MBP: variants seen among roughly 807,000 people sequenced by gnomAD.
MBP encodes myelin basic protein, also known as Golli-MBP.
In MBP, 16 loss-of-function variants were observed where a neutral mutation model predicts 35.8. The observed-to-expected ratio is 0.45, with a 90% confidence interval of 0.30 to 0.68. The LOEUF (loss-of-function observed/expected upper bound fraction) is 0.68. Ranked by LOEUF, MBP falls within the 30% of genes least tolerant of loss-of-function variation. The pLI is 0.08. For missense variants in MBP, 380 were observed against 404.7 expected (o/e 0.94, Z 0.52); for synonymous variants, 143 against 159.6 (o/e 0.90, Z 0.78).
intron 2 of MBP, among the ~76,000 whole-genome samples, chr18:77,070,918 CG>C (rs1974416823): frequency 6.6e-6 from 1 of 152,208 alleles, no homozygotes; most frequent in South Asian, 2.1e-4. Flanking sequence ...CTTGTTCCCG[CG>C]TAGCTGGAGT....
intron 1 of MBP, among the ~76,000 whole-genome samples, chr18:77,121,272 T>C (rs1976876566): frequency 6.6e-6 from 1 of 151,278 alleles, no homozygotes; most frequent in Non-Finnish European, 1.5e-5. Context: ...ATCACACCAC[T>C]GCACTCCAGA....
chr18:77,025,001 CAGG>C (rs1047371066), intron 3 of MBP, among the ~76,000 whole-genome samples: 1 of 152,186 alleles, frequency 6.6e-6, no homozygotes, highest in African/African-American at 2.4e-5. Context: ...GAGCAGATTG[CAGG>C]AGTTTTGGGA....
Position 77,028,913 on chromosome 18 carries a change from C to T in MBP, c.140-11645G>A, listed in dbSNP as rs1409515635. On this transcript the variant is annotated intron_variant, in intron 3 of 8. Transcript: ENST00000355994. ...AGATGGGATGGCGGCCGGGCAGAGA[C>T]TCTCCTCACTTTCCAGACTGGGCAG... Among the ~76,000 whole-genome samples, 16 of 107,758 alleles carry T rather than the reference C, an allele frequency of 1.5e-4. 2 individuals are homozygous for T. The East Asian group carries it at 3.8e-3, about 26-fold the overall frequency. The allele number at this position is 107,758 out of a possible 152,430, so 70.7% of individuals were successfully genotyped here.
intron 2 of MBP, among the ~76,000 whole-genome samples, chr18:77,081,153 C>G (rs964401368): frequency 2.0e-5 from 3 of 152,156 alleles, no homozygotes; most frequent in Admixed American, 1.3e-4. Flanking sequence ...AAACAAGTGC[C>G]TCCTGGGCGG....
intron 3 of MBP, among the ~76,000 whole-genome samples, chr18:77,054,179 C>T (rs568491293): frequency 1.3e-5 from 2 of 152,358 alleles, no homozygotes; most frequent in Admixed American, 6.5e-5. Flanking sequence ...GATGGAGAGC[C>T]GCCTGGCCCT....
chr18:77,105,638 G>T (rs1034245106), intron 1 of MBP, among the ~76,000 whole-genome samples: 1 of 152,170 alleles, frequency 6.6e-6, no homozygotes, highest in South Asian at 2.1e-4. Flanking sequence ...CACACACAGA[G>T]AATTATATCC....
chr18:76,985,364 C>A, intron 7 of MBP: 1 of 1,270,628 alleles, frequency 7.9e-7, no homozygotes, highest in Non-Finnish European at 1.0e-6. Context: ...TTGCTGGGGG[C>A]TCCTTTTGCT....
At chr18:76,992,208 G>A (rs991814713) in intron 4 of MBP, among the ~76,000 whole-genome samples, 1 of 152,196 alleles carries the variant, frequency 6.6e-6, no homozygotes, top group African/African-American at 2.4e-5. Context: ...TTTTTCCATG[G>A]ATGGGGGTGG....
intron 4 of MBP, chr18:77,016,266 A>C: frequency 1.0e-6 from 1 of 985,872 alleles, no homozygotes; most frequent in Non-Finnish European, 1.2e-6. Flanking sequence ...TGATTCATAG[A>C]CACTCATTTA....
intron 1 of MBP, chr18:77,114,157 G>A (rs1003894085): frequency 1.3e-5 from 2 of 152,192 alleles, no homozygotes; most frequent in Non-Finnish European, 2.9e-5. Flanking sequence ...ACCATCCTTC[G>A]TTTTCTTCTG....
intron 4 of MBP, among the ~76,000 whole-genome samples, chr18:76,996,600 T>C (rs1053368117): frequency 6.6e-6 from 1 of 152,172 alleles, no homozygotes. Context: ...GGAATCTTGC[T>C]GAGTAAAAGC....
intron 7 of MBP, chr18:76,987,392 T>C: frequency 1.0e-6 from 1 of 985,462 alleles, no homozygotes; most frequent in Non-Finnish European, 1.2e-6. Flanking sequence ...AAGTCAAATA[T>C]GCATTAATGG....
chr18:77,089,041 G>T (rs1048697178), intron 2 of MBP, among the ~76,000 whole-genome samples: 9 of 152,228 alleles, frequency 5.9e-5, no homozygotes, highest in Admixed American at 3.3e-4. Flanking sequence ...CACAGGCCTT[G>T]GTTCCCTGAC....
At position 77,101,969 on chromosome 18, in the gene MBP, A is replaced by T. The variant is rs1057346743; in HGVS notation, c.51+3242T>A. Among the ~76,000 whole-genome samples, 3 of 152,170 alleles carry T rather than the reference A, an allele frequency of 2.0e-5. No homozygotes were observed. Among genetic ancestry groups the T allele is most frequent in the African/African-American group, 7.2e-5 (3 of 41,430 alleles). The stretch of plus-strand genomic sequence containing the variant: ...TCTGTAAGCCAGTTATGTGCTGGGG[A>T]TGCTCCAGGCTTAGAGACGGAGGCA... On this transcript the variant is annotated intron_variant, in intron 2 of 8. Coordinates refer to ENST00000355994, the MANE Select transcript of MBP (RefSeq NM_001025101.2). The surrounding 1 kb of genome is among the most constrained non-coding windows in gnomAD (Gnocchi z 4.3).
chr18:77,073,749 G>A lies in MBP; in HGVS notation c.52-7364C>T, dbSNP rs143312429. Among the ~76,000 whole-genome samples, 263 of 152,284 alleles carry A rather than the reference G, an allele frequency of 1.7e-3. 1 individual carries two copies. Among genetic ancestry groups the A allele is most frequent in the Non-Finnish European group, 3.3e-3 (226 of 68,036 alleles). On this transcript the variant is annotated intron_variant, in intron 2 of 8. Coordinates refer to ENST00000355994, the MANE Select transcript of MBP (RefSeq NM_001025101.2). ...TTGCAGGACATGCAGACCTGTGGAA[G>A]GTTATCTCCCAGCAACTGGTTATGT...
At position 76,991,412 on chromosome 18, in the gene MBP, G is replaced by A. The variant is rs544077208; in HGVS notation, c.577-1352C>T. Among the ~76,000 whole-genome samples, 5 of 152,194 alleles carry A rather than the reference G, an allele frequency of 3.3e-5. No homozygotes were observed. The South Asian group carries it at 1.0e-3, about 32-fold the overall frequency. On this transcript the variant is annotated intron_variant, in intron 4 of 8. Coordinates refer to ENST00000355994, the MANE Select transcript of MBP (RefSeq NM_001025101.2). ...GGCAGGGGAACACAGGGGACATGGG[G>A]GCAGGTGACACAGGGGACATAGGCG...
Position 77,044,289 on chromosome 18 carries a change from C to A in MBP, c.139+22009G>T, listed in dbSNP as rs554973954. ...ACACTGGTGGCTCAAAGACTGCATG[C>A]CTGAGACGGGGTCCAAACCCCTCTT... On this transcript the variant is annotated intron_variant, in intron 3 of 8. Coordinates refer to ENST00000355994, the MANE Select transcript of MBP (RefSeq NM_001025101.2). This position sits in a 1 kb window ranked among gnomAD's most constrained non-coding sequence, Gnocchi z 4.4. Among the ~76,000 whole-genome samples, 2 of 152,268 alleles carry A rather than the reference C, an allele frequency of 1.3e-5. No individual in the cohort carries two copies. Among genetic ancestry groups the A allele is most frequent in the Non-Finnish European group, 2.9e-5 (2 of 68,014 alleles).
intron 3 of MBP, among the ~76,000 whole-genome samples, chr18:77,055,829 C>T (rs969835438): frequency 2.6e-5 from 4 of 152,192 alleles, no homozygotes; most frequent in African/African-American, 9.7e-5. Context: ...AATGTCTTTC[C>T]AAACACAGCT....
chr18:77,105,871 A>G (rs897210646), intron 1 of MBP, among the ~76,000 whole-genome samples: 1 of 151,988 alleles, frequency 6.6e-6, no homozygotes, highest in Non-Finnish European at 1.5e-5. Flanking sequence ...AAACCACATT[A>G]CTCCTCATTT....
Sources: allele counts gnomAD v4.1 joint callset (sites outside exome capture counted in the v4.1 genomes callset), GRCh38; gene constraint gnomAD v4.1.1; non-coding constraint Gnocchi (gnomAD v3.1); transcripts MANE v1.5; gene names NCBI Gene and HGNC (gene_info 2026-07-23, HGNC 2026-07-21).